The following TYW1 variants were observed in gnomAD, a reference collection of about 807,000 sequenced individuals.
TYW1 encodes S-adenosyl-L-methionine-dependent tRNA 4-demethylwyosine synthase TYW1.
TYW1 carries 46 observed loss-of-function variants against 96.2 expected under a neutral mutation model. The ratio of observed to expected loss-of-function variants is 0.48; its 90% CI spans 0.38 to 0.61. The LOEUF is 0.61. Among genes scored for constraint, TYW1 ranks in the 20% least tolerant of loss-of-function variants. The probability of loss-of-function intolerance (pLI) is 0.00; values close to 1 mark genes in which losing one functional copy is unlikely to be tolerated. For missense variants in TYW1, 684 were observed against 909.6 expected (o/e 0.75, Z 3.19); for synonymous variants, 274 against 323.0 (o/e 0.85, Z 1.63).
At chr7:67,100,796 G>A (rs1271881615) in intron 12 of TYW1, among the ~76,000 whole-genome samples, 1 of 147,792 alleles carries the variant, frequency 6.8e-6, no homozygotes, top group Non-Finnish European at 1.5e-5. Context: ...CCTGGGAGGC[G>A]GAGCTTGCAG....
intron 14 of TYW1, among the ~76,000 whole-genome samples, chr7:67,194,630 G>GATAACA (rs1554390357): frequency 1.3e-5 from 2 of 150,464 alleles, no homozygotes; most frequent in Non-Finnish European, 3.0e-5. Context: ...ACTCAAAAAT[G>GATAACA]ATAATAATAA....
At chr7:67,202,120 T>C (rs541535749) in intron 15 of TYW1, among the ~76,000 whole-genome samples, 2 of 152,336 alleles carry the variant, frequency 1.3e-5, no homozygotes, top group East Asian at 3.9e-4. Context: ...CTTCCAATTA[T>C]GTGTTTTCTG....
chr7:67,196,597 T>G (rs1800402447), intron 15 of TYW1, among the ~76,000 whole-genome samples: 1 of 152,142 alleles, frequency 6.6e-6, no homozygotes, highest in South Asian at 2.1e-4. Flanking sequence ...ATCTGAGGTC[T>G]GAACGGTGAA....
At chr7:67,028,564 A>C (rs1372033341) in intron 7 of TYW1, among the ~76,000 whole-genome samples, 1 of 152,234 alleles carries the variant, frequency 6.6e-6, no homozygotes, top group Admixed American at 6.5e-5. Context: ...ACAAATGAAA[A>C]CTACACTGAT....
chr7:67,080,988 A>T (rs1584536775), intron 10 of TYW1, among the ~76,000 whole-genome samples: 1 of 78,224 alleles, frequency 1.3e-5, no homozygotes, highest in African/African-American at 5.0e-5. Context: ...GGTCTTCCAT[A>T]GCGGTAACAT....
chr7:67,166,400 T>A (rs1420524089), intron 13 of TYW1, among the ~76,000 whole-genome samples: 2 of 148,776 alleles, frequency 1.3e-5, no homozygotes, highest in Non-Finnish European at 3.0e-5. Flanking sequence ...TAAATTGGAG[T>A]ATACCATACA....
chr7:67,184,109 G>C (rs1799926158), intron 14 of TYW1, among the ~76,000 whole-genome samples: 1 of 152,204 alleles, frequency 6.6e-6, no homozygotes, highest in South Asian at 2.1e-4. Context: ...GTGAGCCACT[G>C]TGCCCGGCTG....
intron 15 of TYW1, among the ~76,000 whole-genome samples, chr7:67,225,214 AG>A (rs1213706413): frequency 2.7e-5 from 4 of 148,406 alleles, no homozygotes; most frequent in Non-Finnish European, 5.9e-5. Context: ...AAAAAAAAAA[AG>A]TAGAAGTCTT....
chr7:67,004,075 C>A, intron 3 of TYW1, among the ~76,000 whole-genome samples: 1 of 151,256 alleles, frequency 6.6e-6, no homozygotes, highest in Admixed American at 6.6e-5. Context: ...ACAAAAAAAA[C>A]AATCTAAGTG....
At chr7:67,187,318 C>T (rs1800060327) in intron 14 of TYW1, among the ~76,000 whole-genome samples, 1 of 152,084 alleles carries the variant, frequency 6.6e-6, no homozygotes, top group South Asian at 2.1e-4. Context: ...CCCGCCTTGG[C>T]CTCCCAAAGT....
At chr7:67,029,955 A>T (rs1293143874) in intron 7 of TYW1, among the ~76,000 whole-genome samples, 1 of 152,126 alleles carries the variant, frequency 6.6e-6, no homozygotes, top group Non-Finnish European at 1.5e-5. Context: ...ACAGATCAGA[A>T]ACGGTCAAAT....
chr7:67,222,872 T>TC (rs1000496561), intron 15 of TYW1, among the ~76,000 whole-genome samples: 5 of 150,028 alleles, frequency 3.3e-5, no homozygotes, highest in African/African-American at 7.3e-5. Context: ...TTTTCTTTTT[T>TC]TTTTTTTTTT....
chr7:67,002,579 C>T (rs1584449595), intron 3 of TYW1, among the ~76,000 whole-genome samples: 1 of 151,952 alleles, frequency 6.6e-6, no homozygotes, highest in African/African-American at 2.4e-5. Flanking sequence ...TTTCTTTGTC[C>T]TTGATTTCTG....
At chr7:67,051,128 C>T (rs1477012932) in intron 8 of TYW1, among the ~76,000 whole-genome samples, 1 of 152,120 alleles carries the variant, frequency 6.6e-6, no homozygotes, top group African/African-American at 2.4e-5. Context: ...CCTCAGCCTC[C>T]CAAAGTGCTG....
chr7:67,109,420 G>A (rs1247208107), intron 12 of TYW1, among the ~76,000 whole-genome samples: 1 of 149,892 alleles, frequency 6.7e-6, no homozygotes, highest in African/African-American at 2.5e-5. Context: ...TGAGAATACT[G>A]GCAAAAATGA....
intron 7 of TYW1, among the ~76,000 whole-genome samples, chr7:67,031,834 C>T (rs1221608860): frequency 6.7e-6 from 1 of 149,864 alleles, no homozygotes; most frequent in East Asian, 2.0e-4. Context: ...TCAGGTGATT[C>T]CCACCTACAC....
chr7:67,034,252 T>C (rs1794763080), intron 7 of TYW1, among the ~76,000 whole-genome samples: 1 of 150,860 alleles, frequency 6.6e-6, no homozygotes, highest in South Asian at 2.1e-4. Flanking sequence ...TACAGATGTG[T>C]GCCACCACAC....
At chr7:67,111,239 T>C (rs1166215543) in intron 12 of TYW1, among the ~76,000 whole-genome samples, 4 of 152,036 alleles carry the variant, frequency 2.6e-5, no homozygotes, top group Non-Finnish European at 5.9e-5. Flanking sequence ...AATCTTGCTC[T>C]GTCACCCAGG....
intron 7 of TYW1, among the ~76,000 whole-genome samples, chr7:67,045,579 T>C (rs368125136): frequency 2.7e-4 from 41 of 152,356 alleles, no homozygotes; most frequent in African/African-American, 5.8e-4. Context: ...GCTTTATTAC[T>C]ATTATTCTGT....
Sources: gnomAD v4.1 joint callset for allele counts (sites outside exome capture counted in the v4.1 genomes callset) on GRCh38, gnomAD v4.1.1 for gene constraint, MANE v1.5 for transcripts, NCBI Gene and HGNC (gene_info 2026-07-23, HGNC 2026-07-21) for gene names.